TRMO: variants seen among roughly 807,000 people sequenced by gnomAD.
The protein encoded by TRMO is tRNA (adenine(37)-N6)-methyltransferase.
A neutral mutation model predicts 37.2 loss-of-function variants in TRMO; 30 were observed. The observed-to-expected ratio is 0.81, with a 90% CI of 0.60 to 1.09. The LOEUF (loss-of-function observed/expected upper bound fraction) is 1.09. Ranked by LOEUF, TRMO falls within the 50% of genes least tolerant of loss-of-function variation. The pLI is 0.00. For missense variants in TRMO, 552 were observed against 549.5 expected (o/e 1.00, Z -0.05); for synonymous variants, 239 against 199.4 (o/e 1.20, Z -1.67).
chr9:97,906,102 G>A (rs2131514279), intron 4 of TRMO, among the ~76,000 whole-genome samples: 1 of 150,830 alleles, frequency 6.6e-6, no homozygotes, highest in Admixed American at 6.6e-5. Context: ...AGGTTGCAGT[G>A]AGCCAAGATT....
At chr9:97,920,758 T>G (rs1363874504) in intron 1 of TRMO, among the ~76,000 whole-genome samples, 1 of 152,218 alleles carries the variant, frequency 6.6e-6, no homozygotes, top group Non-Finnish European at 1.5e-5. Flanking sequence ...AAATTACCCT[T>G]CTTAGGCTTT....
In TRMO at chr9:97,910,394, G is replaced by A; in HGVS notation, c.632C>T (p.Pro211Leu). The stretch of plus-strand genomic sequence containing the variant: ...AGGTTTCCTCTTAGTGCTATGGTGG[G>A]GTTGTGGCTCATCACACCCTGAGAG... ...RQLSGCDEPQPHHSTKRKPKC... is the reference protein window; with the variant it reads ...RQLSGCDEPQLHHSTKRKPKC... Residue 211 changes from proline (P) to leucine (L), a missense_variant, in exon 4 of 5, where the codon CCC becomes CTC. By Grantham distance (98) the Pro-to-Leu change is moderately conservative. Transcript: ENST00000375119. 6.2e-7 allele frequency: 1 copy of A among 1,614,178 alleles called. No homozygotes were observed. The highest frequency in any genetic ancestry group is 8.5e-7 in the Non-Finnish European group (1 of 1,180,038).
intron 1 of TRMO, among the ~76,000 whole-genome samples, chr9:97,921,169 C>T (rs2131543602): frequency 6.6e-6 from 1 of 152,332 alleles, no homozygotes; most frequent in Non-Finnish European, 1.5e-5. Flanking sequence ...ACAAACATTT[C>T]GGCTTCAAGA....
At chr9:97,920,701 T>C (rs577965233) in intron 1 of TRMO, among the ~76,000 whole-genome samples, 1 of 152,366 alleles carries the variant, frequency 6.6e-6, no homozygotes, top group Non-Finnish European at 1.5e-5. Flanking sequence ...CTACACGTCT[T>C]GCTCTGAAAA....
At chr9:97,898,871 G>A in the TRMO span, among the ~76,000 whole-genome samples, 5 of 116,882 alleles carry the variant, frequency 4.3e-5, no homozygotes, top group African/African-American at 1.4e-4. Flanking sequence ...ATGGAGACTC[G>A]CTCTGTCAGC....
intron 2 of TRMO, 51 bp downstream of exon 2, chr9:97,916,113 C>A: frequency 7.1e-7 from 1 of 1,407,436 alleles, no homozygotes; most frequent in Non-Finnish European, 9.7e-7. Flanking sequence ...GTACTTTATT[C>A]GGGGGCAAGT....
At position 97,910,152 on chromosome 9, in the gene TRMO, C is replaced by G. The variant is rs745725784; in HGVS notation, c.874G>C (p.Val292Leu). 2 of 1,614,106 alleles carry G rather than the reference C, an allele frequency of 1.2e-6. No individual in the cohort carries two copies. Among genetic ancestry groups the G allele is most frequent in the Non-Finnish European group, 1.7e-6 (2 of 1,180,034 alleles). The part of the protein sequence containing the change: ...EKGTDKKLER[V>L]EGAAVLQGSR... ...CCTTGCAAGACTGCTGCTCCTTCCA[C>G]TCTTTCTAGCTTCTTGTCTGTACCT... Residue 292 changes from valine to leucine, a missense_variant, in exon 4 of 5, where the codon GTG (valine) becomes CTG (leucine). By Grantham distance (32) the Val-to-Leu change is conservative. Transcript: ENST00000375119.
downstream of TRMO, among the ~76,000 whole-genome samples, chr9:97,902,059 T>G (rs756859341): frequency 1.3e-5 from 2 of 152,190 alleles, no homozygotes; most frequent in African/African-American, 4.8e-5. Flanking sequence ...ACAGGCTAAC[T>G]TGGGAGGGCA....
chr9:97,913,541 T>C lies in TRMO; in HGVS notation c.269A>G (p.His90Arg). 6.2e-7 allele frequency: 1 copy of C among 1,608,270 alleles called. No homozygotes were observed. Residue 90 changes from histidine to arginine, a missense_variant, in exon 3 of 5, where the codon CAC becomes CGC. Transcript: ENST00000375119. ...FSHVWILFVF[H>R]KNGHLSCKAK... ...CTTACAGCTCAAATGACCATTTTTG[T>C]GAAAAACAAACAAAATCCTATAGAA... is the stretch of plus-strand genomic sequence containing the variant.
At chr9:97,920,285 T>G (rs534143401) in intron 1 of TRMO, among the ~76,000 whole-genome samples, 3 of 152,214 alleles carry the variant, frequency 2.0e-5, no homozygotes, top group South Asian at 4.1e-4. Context: ...GGGATAGAGA[T>G]AAATAAGCAC....
chr9:97,904,315 T>C (rs1299865810), downstream of TRMO, among the ~76,000 whole-genome samples: 1 of 152,144 alleles, frequency 6.6e-6, no homozygotes, highest in Non-Finnish European at 1.5e-5. Flanking sequence ...AGTTTCCTGA[T>C]ATAGGTTTGA....
the TRMO span, among the ~76,000 whole-genome samples, chr9:97,896,875 CTTTCCT>C: frequency 5.3e-5 from 8 of 152,334 alleles, no homozygotes; most frequent in East Asian, 1.5e-3. Context: ...AGACATTTTA[CTTTCCT>C]CATGTTCCAC....
Position 97,910,027 on chromosome 9 carries a change from A to G in TRMO, c.999T>C (p.Pro333=). The change falls in exon 4 of 5, where the codon CCT becomes CCC. Residue 333 remains proline, a synonymous_variant. Transcript: ENST00000375119. ...SVVPAWVTEA[P]VATLEVRFTP... is the part of the protein sequence containing the mutation. ...TAAACCGCACTTCTAAAGTGGCCAC[A>G]GGAGCCTCTGTCACCCAGGCAGGAA... 6.2e-7 allele frequency: 1 copy of G among 1,607,102 alleles called. No individual in the cohort carries two copies. Among genetic ancestry groups the G allele is most frequent in the Non-Finnish European group, 8.5e-7 (1 of 1,175,742 alleles).
In TRMO at chr9:97,922,400, G is replaced by A. The variant is rs1434699934; in HGVS notation, c.76+18C>T. On this transcript the variant is annotated intron_variant, in intron 1 of 4. Coordinates refer to ENST00000375119, the MANE Select transcript of TRMO (RefSeq NM_016481.5). The stretch of plus-strand genomic sequence containing the variant: ...CTAAACCTCTCCAGAGTGTGGCACC[G>A]CCGGTGTTGGAAGTTACCTGTCTCC... The A allele has an allele frequency of 2.0e-6, 3 of 1,523,844 alleles. No individual in the cohort carries two copies. The highest frequency in any genetic ancestry group is 1.4e-5 in the African/African-American group (1 of 73,342). The allele number at this position is 1,523,844 out of a possible 1,614,324, so 94.4% of individuals were successfully genotyped here.
downstream of TRMO, among the ~76,000 whole-genome samples, chr9:97,902,113 C>T (rs1241182749): frequency 1.3e-5 from 2 of 152,166 alleles, no homozygotes; most frequent in African/African-American, 4.8e-5. Context: ...TGTCGGAGGA[C>T]AGAGTGGATC....
At chr9:97,898,838 C>CTTTTTTTTTTTTTTT in the TRMO span, among the ~76,000 whole-genome samples, 1 of 89,056 alleles carries the variant, frequency 1.1e-5, no homozygotes, top group African/African-American at 5.2e-5. Context: ...TATATATATA[C>CTTTTTTTTTTTTTTT]TTTTTTTTTT....
chr9:97,902,636 T>C (rs1335961121), downstream of TRMO, among the ~76,000 whole-genome samples: 1 of 152,154 alleles, frequency 6.6e-6, no homozygotes, highest in Non-Finnish European at 1.5e-5. Context: ...CCTGAGACTG[T>C]ATAATAAAAC....
Position 97,916,145 on chromosome 9 carries a change from T to C in TRMO, c.251+19A>G. On this transcript the variant is annotated intron_variant, in intron 2 of 4. Transcript: ENST00000375119. ...AAGTTCTGGCCCAAAATCCTACATC[T>C]AACTATAAAGCAACTTACCAAACAT... The C allele has an allele frequency of 6.4e-7, 1 of 1,565,914 alleles. No individual in the cohort carries two copies. Among genetic ancestry groups the C allele is most frequent in the Non-Finnish European group, 8.7e-7 (1 of 1,155,598 alleles).
downstream of TRMO, chr9:97,904,401 C>G: frequency 4.7e-6 from 4 of 854,496 alleles, no homozygotes; most frequent in Non-Finnish European, 5.8e-6. Flanking sequence ...TAGATCCCCT[C>G]AACTAGAAAG....
Sources: gnomAD v4.1 joint callset for allele counts (sites outside exome capture counted in the v4.1 genomes callset) on GRCh38, gnomAD v4.1.1 for gene constraint, MANE v1.5 for transcripts, NCBI Gene and HGNC (gene_info 2026-07-23, HGNC 2026-07-21) for gene names.